PPP1R12A: variants seen among roughly 807,000 people sequenced by gnomAD.
PPP1R12A encodes the protein myosin binding subunit.
A neutral mutation model predicts 139.6 loss-of-function variants in PPP1R12A; 19 were observed. The ratio of observed to expected loss-of-function variants is 0.14; its 90% CI spans 0.09 to 0.20. The LOEUF (loss-of-function observed/expected upper bound fraction) is 0.20, where lower values mean the gene tolerates loss of function less well. Among genes scored for constraint, PPP1R12A ranks in the 10% least tolerant of loss-of-function variants. The pLI is 1.00. For missense variants in PPP1R12A, 925 were observed against 1,211.5 expected, an observed-to-expected ratio of 0.76 and a Z score of 3.51; for synonymous variants, 427 against 420.6, an observed-to-expected ratio of 1.02 and a Z score of -0.19.
chr12:79,792,573 G>T (rs548873914), intron 19 of PPP1R12A, among the ~76,000 whole-genome samples: 1 of 152,000 alleles, frequency 6.6e-6, no homozygotes, highest in Non-Finnish European at 1.5e-5. Flanking sequence ...AAAACTTTTC[G>T]TCTTAGAAAC....
intron 2 of PPP1R12A, among the ~76,000 whole-genome samples, chr12:79,855,312 G>A (rs1171591521): frequency 2.0e-5 from 3 of 151,950 alleles, no homozygotes; most frequent in Non-Finnish European, 4.4e-5. Context: ...ATTAATACAG[G>A]TCTATTATCT....
chr12:79,782,473 TCCAC>T, intron 22 of PPP1R12A: 1 of 398,294 alleles, frequency 2.5e-6, no homozygotes, highest in Admixed American at 3.5e-5. Flanking sequence ...TTTCATTTTT[TCCAC>T]TTCCTGTACT....
At chr12:79,891,550 T>C (rs1884642299) in intron 1 of PPP1R12A, among the ~76,000 whole-genome samples, 1 of 152,208 alleles carries the variant, frequency 6.6e-6, no homozygotes, top group Non-Finnish European at 1.5e-5. Context: ...ACAAATATTA[T>C]ATTAGTTTGC....
chr12:79,864,504 GAAGACA>G (rs1376707870), intron 2 of PPP1R12A, among the ~76,000 whole-genome samples: 2 of 151,948 alleles, frequency 1.3e-5, no homozygotes, highest in Non-Finnish European at 2.9e-5. Context: ...CAGAACTGAA[GAAGACA>G]GAGACAGAAA....
At chr12:79,918,512 C>T (rs1021654570) in intron 1 of PPP1R12A, among the ~76,000 whole-genome samples, 10 of 152,116 alleles carry the variant, frequency 6.6e-5, no homozygotes, top group Admixed American at 2.6e-4. Flanking sequence ...CTGTGAAAAG[C>T]ACCTTCATCA....
At chr12:79,917,592 T>A (rs750395067) in intron 1 of PPP1R12A, among the ~76,000 whole-genome samples, 4 of 152,042 alleles carry the variant, frequency 2.6e-5, no homozygotes, top group African/African-American at 9.7e-5. Context: ...TAACCCAACC[T>A]TTCTGTACAC....
chr12:79,902,582 T>A (rs998834357), intron 1 of PPP1R12A, among the ~76,000 whole-genome samples: 22 of 152,070 alleles, frequency 1.4e-4, no homozygotes, highest in Non-Finnish European at 2.5e-4. Flanking sequence ...CAAAAAAAAA[T>A]TTTTTTAATT....
intron 22 of PPP1R12A, among the ~76,000 whole-genome samples, chr12:79,785,011 T>C (rs1870936413): frequency 2.6e-5 from 4 of 152,166 alleles, no homozygotes; most frequent in African/African-American, 9.7e-5. Flanking sequence ...GAACTCATTA[T>C]ATTTTTATGT....
chr12:79,900,549 A>T (rs1264025140), intron 1 of PPP1R12A, among the ~76,000 whole-genome samples: 1 of 152,252 alleles, frequency 6.6e-6, no homozygotes, highest in Non-Finnish European at 1.5e-5. Flanking sequence ...TCAAGGCTAT[A>T]GCTTTAACAT....
At chr12:79,935,239 T>G, upstream of PPP1R12A, 1 of 1,216,604 alleles carries the variant, frequency 8.2e-7, no homozygotes, top group South Asian at 2.2e-5. Flanking sequence ...CCAGTGCGCA[T>G]GCGCCCTGGG....
chr12:79,913,086 G>A (rs1038552531), intron 1 of PPP1R12A, among the ~76,000 whole-genome samples: 1 of 152,206 alleles, frequency 6.6e-6, no homozygotes, highest in East Asian at 1.9e-4. Flanking sequence ...CTCTTAATTT[G>A]CATTTCTCTG....
chr12:79,832,740 G>T, intron 3 of PPP1R12A: 1 of 316,018 alleles, frequency 3.2e-6, no homozygotes. Flanking sequence ...TTTCCTTTCT[G>T]ATTATTCTTC....
intron 14 of PPP1R12A, among the ~76,000 whole-genome samples, chr12:79,803,203 CCTTT>C (rs1192741676): frequency 2.0e-5 from 3 of 152,214 alleles, no homozygotes; most frequent in African/African-American, 4.8e-5. Flanking sequence ...AAACACATTT[CCTTT>C]ATTTGATAAT....
At chr12:79,842,438 A>G (rs763700285) in intron 3 of PPP1R12A, among the ~76,000 whole-genome samples, 24 of 152,218 alleles carry the variant, frequency 1.6e-4, no homozygotes, top group Admixed American at 3.9e-4. Context: ...CTGATGAAGC[A>G]CATTTCAGCA....
At position 79,774,428 on chromosome 12, in the gene PPP1R12A, A is replaced by G. The variant is rs1869526669; in HGVS notation, c.*1501T>C. On this transcript the variant is annotated 3_prime_UTR_variant, in exon 25 of 25. Coordinates refer to ENST00000450142, the MANE Select transcript of PPP1R12A (RefSeq NM_002480.3). ...GGTACAAATTCACATTTAATATAGT[A>G]TACAATACAATCAATAATACAATCA... 1 of 152,576 alleles carries G rather than the reference A, an allele frequency of 6.6e-6. No individual in the cohort carries two copies. The highest frequency in any genetic ancestry group is 1.5e-5 in the Non-Finnish European group (1 of 67,980). 9.5% of individuals were successfully genotyped at this position (152,576 alleles called of 1,614,324 possible).
intron 1 of PPP1R12A, among the ~76,000 whole-genome samples, chr12:79,875,689 T>C (rs1415562441): frequency 6.6e-6 from 1 of 152,238 alleles, no homozygotes; most frequent in Non-Finnish European, 1.5e-5. Flanking sequence ...CATTTAAATG[T>C]ATAAAAAGCC....
At chr12:79,818,161 C>A (rs2084005305) in intron 8 of PPP1R12A, among the ~76,000 whole-genome samples, 1 of 152,088 alleles carries the variant, frequency 6.6e-6, no homozygotes, top group African/African-American at 2.4e-5. Flanking sequence ...ATATATCAGC[C>A]AATGAAAAGA....
At chr12:79,826,743 A>G (rs186860334) in intron 5 of PPP1R12A, among the ~76,000 whole-genome samples, 1 of 152,352 alleles carries the variant, frequency 6.6e-6, no homozygotes, top group African/African-American at 2.4e-5. Flanking sequence ...CATGCATACA[A>G]TATATTGTGT....
chr12:79,850,874 T>C (rs1256068492), intron 2 of PPP1R12A, among the ~76,000 whole-genome samples: 1 of 152,150 alleles, frequency 6.6e-6, no homozygotes. Flanking sequence ...ATGTGCACAC[T>C]TCCCCTTTGC....
Sources: allele counts gnomAD v4.1 joint callset (sites outside exome capture counted in the v4.1 genomes callset), GRCh38; gene constraint gnomAD v4.1.1; transcripts MANE v1.5; gene names NCBI Gene and HGNC (gene_info 2026-07-23, HGNC 2026-07-21).